Variants in SCUBE1 observed in about 807,000 individuals in gnomAD.
SCUBE1 encodes signal peptide, CUB and EGF-like domain-containing protein 1.
SCUBE1 carries 59 observed loss-of-function variants against 124.4 expected under a neutral mutation model. That is an observed-to-expected ratio of 0.47 (90% CI 0.38 to 0.59). The LOEUF (loss-of-function observed/expected upper bound fraction) is 0.59, where lower values mean the gene tolerates loss of function less well. Among genes scored for constraint, SCUBE1 ranks in the 20% least tolerant of loss-of-function variants. The pLI is 0.00. For missense variants in SCUBE1, 1,150 were observed against 1,371.2 expected (o/e 0.84, Z 2.55); for synonymous variants, 545 against 550.9 (o/e 0.99, Z 0.15).
chr22:43,303,149 C>T (rs752077660), intron 3 of SCUBE1, among the ~76,000 whole-genome samples: 8 of 152,356 alleles, frequency 5.3e-5, no homozygotes, highest in South Asian at 2.1e-4. Context: ...AATTCTTTCC[C>T]GTGGAAGTCC....
intron 3 of SCUBE1, among the ~76,000 whole-genome samples, chr22:43,316,531 G>C (rs1926353029): frequency 1.3e-5 from 2 of 152,204 alleles, no homozygotes; most frequent in African/African-American, 4.8e-5. Context: ...CATCTGGCAC[G>C]ATCAACGTTG....
chr22:43,239,057 G>C (rs180706110), intron 6 of SCUBE1, 103 bp from the exon 7 acceptor site: 1 of 895,656 alleles, frequency 1.1e-6, no homozygotes, highest in Non-Finnish European at 1.8e-6. Flanking sequence ...CGAGACCCGG[G>C]TTCAAGCTCT....
rs752785457 is a variant in SCUBE1, at chr22:43,218,273, G to A, written c.1873C>T (p.Leu625=). The part of the protein sequence containing the change: ...GQGACGAGQV[L]QDSKCVACGP... ...GACTCACCGCATTTGCTGTCCTGTA[G>A]CACCTGGCCTGCGCCACATGCCCCC... Residue 625 remains leucine (L), a synonymous_variant, in exon 15 of 22, where the codon CTA becomes TTA. Coordinates refer to ENST00000360835, the MANE Select transcript of SCUBE1 (RefSeq NM_173050.5). 6.2e-7 allele frequency: 1 copy of A among 1,613,154 alleles called. No homozygotes were observed. Among genetic ancestry groups the A allele is most frequent in the Non-Finnish European group, 8.5e-7 (1 of 1,180,016 alleles).
intron 6 of SCUBE1, among the ~76,000 whole-genome samples, chr22:43,244,898 T>G (rs946158939): frequency 6.6e-6 from 1 of 152,260 alleles, no homozygotes; most frequent in Non-Finnish European, 1.5e-5. Context: ...CAGAACCTGC[T>G]GATCCCTCAA....
chr22:43,281,533 C>CCCTTGGCCACCCTCCTGTCACCTCCT (rs1924888653), intron 4 of SCUBE1, among the ~76,000 whole-genome samples: 1 of 63,484 alleles, frequency 1.6e-5, no homozygotes, highest in African/African-American at 1.1e-4. Flanking sequence ...CCTGTCACCT[C>CCCTTGGCCACCCTCCTGTCACCTCCT]CCTCAGTCAC....
chr22:43,313,678 T>G (rs1440370027), intron 3 of SCUBE1, among the ~76,000 whole-genome samples: 1 of 152,190 alleles, frequency 6.6e-6, no homozygotes, highest in Non-Finnish European at 1.5e-5. Context: ...CTGTTATATT[T>G]GAGAAATTCC....
intron 6 of SCUBE1, among the ~76,000 whole-genome samples, chr22:43,249,888 G>C (rs1923372326): frequency 6.6e-6 from 1 of 152,142 alleles, no homozygotes; most frequent in Non-Finnish European, 1.5e-5. Context: ...GGGGAAGCCT[G>C]GGACTCCACC....
chr22:43,300,296 C>T (rs199793317), intron 3 of SCUBE1, among the ~76,000 whole-genome samples: 1 of 147,690 alleles, frequency 6.8e-6, no homozygotes, highest in African/African-American at 2.5e-5. Flanking sequence ...CCTTTCTGGG[C>T]TTTTTTTTTT....
chr22:43,292,556 AACAC>A (rs3985926), intron 3 of SCUBE1, among the ~76,000 whole-genome samples: 50 of 139,676 alleles, frequency 3.6e-4, no homozygotes, highest in South Asian at 7.4e-4. Context: ...CCCGGTCCCT[AACAC>A]ACACACACAC....
chr22:43,270,609 C>G (rs773521884), intron 4 of SCUBE1: 21 of 152,292 alleles, frequency 1.4e-4, no homozygotes, highest in Non-Finnish European at 3.1e-4. Flanking sequence ...ACAGAGAAGC[C>G]TTTACAACAT....
At chr22:43,271,224 C>T (rs1382572027) in intron 4 of SCUBE1, among the ~76,000 whole-genome samples, 1 of 152,182 alleles carries the variant, frequency 6.6e-6, no homozygotes, top group African/African-American at 2.4e-5. Flanking sequence ...CCTCCTTGCT[C>T]ATAGCACTCA....
intron 4 of SCUBE1, among the ~76,000 whole-genome samples, chr22:43,276,954 C>A (rs1329093318): frequency 6.6e-6 from 1 of 152,202 alleles, no homozygotes; most frequent in Non-Finnish European, 1.5e-5. Context: ...TCCCTACAGA[C>A]CCCAGGCTGG....
At chr22:43,270,390 A>G (rs1407094820) in intron 4 of SCUBE1, 2 of 152,276 alleles carry the variant, frequency 1.3e-5, no homozygotes, top group Admixed American at 6.5e-5. Flanking sequence ...GAGAACGCTG[A>G]GCGCACAGAG....
At chr22:43,253,569 G>A (rs1415906330) in intron 6 of SCUBE1, among the ~76,000 whole-genome samples, 1 of 152,152 alleles carries the variant, frequency 6.6e-6, no homozygotes, top group Non-Finnish European at 1.5e-5. Flanking sequence ...TCCTTGATGT[G>A]TTCCTTCAGT....
intron 15 of SCUBE1, among the ~76,000 whole-genome samples, chr22:43,217,538 A>AGC (rs1921887205): frequency 6.6e-6 from 1 of 152,052 alleles, no homozygotes; most frequent in African/African-American, 2.4e-5. Flanking sequence ...TTCCCGTAAG[A>AGC]GCGCGCATGA....
At chr22:43,325,312 G>A (rs1038236334) in intron 2 of SCUBE1, among the ~76,000 whole-genome samples, 6 of 151,988 alleles carry the variant, frequency 3.9e-5, no homozygotes, top group South Asian at 2.1e-4. Flanking sequence ...GCGTGGTGGC[G>A]CATGCCTATA....
At chr22:43,278,126 T>C (rs1924608541) in intron 4 of SCUBE1, among the ~76,000 whole-genome samples, 1 of 152,224 alleles carries the variant, frequency 6.6e-6, no homozygotes, top group African/African-American at 2.4e-5. Context: ...TAAAAAATAA[T>C]GGGCTGGATT....
At chr22:43,247,010 C>T (rs1266890365) in intron 6 of SCUBE1, among the ~76,000 whole-genome samples, 2 of 152,234 alleles carry the variant, frequency 1.3e-5, no homozygotes, top group Admixed American at 6.5e-5. Flanking sequence ...CGCTGTTAAT[C>T]CTGCTGGGTC....
At chr22:43,315,574 C>T (rs1287119965) in intron 3 of SCUBE1, among the ~76,000 whole-genome samples, 1 of 152,252 alleles carries the variant, frequency 6.6e-6, no homozygotes. Context: ...CAAGGTCCGG[C>T]TTCTCTAGAG....
Sources: gnomAD v4.1 joint callset for allele counts (sites outside exome capture counted in the v4.1 genomes callset) on GRCh38, gnomAD v4.1.1 for gene constraint, MANE v1.5 for transcripts, NCBI Gene and HGNC (gene_info 2026-07-23, HGNC 2026-07-21) for gene names.